The following AKR1C3 variants were observed in gnomAD, a reference collection of about 807,000 sequenced individuals.
AKR1C3 encodes the protein aldo-keto reductase family 1 member C3, also known as 3-alpha hydroxysteroid dehydrogenase, type II.
A neutral mutation model predicts 43.6 loss-of-function variants in AKR1C3; 48 were observed. The observed-to-expected ratio is 1.10, with a 90% confidence interval of 0.87 to 1.40. The LOEUF is 1.40. Ranked by LOEUF, AKR1C3 falls within the 40% of genes most tolerant of loss-of-function variation. The pLI, the probability that AKR1C3 is intolerant of heterozygous loss-of-function variation, is 0.00. For missense variants in AKR1C3, 482 were observed against 391.2 expected, an observed-to-expected ratio of 1.23 and a Z score of -1.96; for synonymous variants, 162 against 139.6, an observed-to-expected ratio of 1.16 and a Z score of -1.13.
Position 5,107,239 on chromosome 10 carries a change from G to A in AKR1C3, c.930-222G>A, listed in dbSNP as rs184137037. Among the ~76,000 whole-genome samples, 1,126 of 152,258 alleles carry A rather than the reference G, an allele frequency of 7.4e-3. 16 individuals carry two copies. The highest frequency in any genetic ancestry group is 0.026 in the African/African-American group (1,082 of 41,534). ...AATATACTTGAATATTTGACTTTGT[G>A]TGTTTTACGTGTTAACTTCCAGATA... On this transcript the variant is annotated intron_variant, in intron 8 of 8. Coordinates refer to ENST00000380554, the MANE Select transcript of AKR1C3 (RefSeq NM_003739.6).
chr10:5,050,495 C>G (rs1838131993), intron 1 of AKR1C3, among the ~76,000 whole-genome samples: 1 of 152,158 alleles, frequency 6.6e-6, no homozygotes, highest in Admixed American at 6.5e-5. Context: ...TATGTAACTG[C>G]TGGCAGTGGA....
At chr10:5,059,900 C>G (rs782549457) in intron 1 of AKR1C3, among the ~76,000 whole-genome samples, 3 of 152,002 alleles carry the variant, frequency 2.0e-5, no homozygotes, top group Non-Finnish European at 4.4e-5. Context: ...AGCCGCGGAC[C>G]CTCGCAGTGA....
At chr10:5,068,272 T>TA (rs1410413108) in intron 1 of AKR1C3, among the ~76,000 whole-genome samples, 1 of 152,138 alleles carries the variant, frequency 6.6e-6, no homozygotes. Context: ...AAATATAACC[T>TA]AAAGAAGATT....
chr10:5,091,227 G>C (rs1238692141), upstream of AKR1C3, among the ~76,000 whole-genome samples: 3 of 152,028 alleles, frequency 2.0e-5, no homozygotes, highest in Non-Finnish European at 4.4e-5. Context: ...TGATGATGCA[G>C]GAAAGAGAGA....
At chr10:5,050,922 A>G (rs1343050754) in intron 1 of AKR1C3, among the ~76,000 whole-genome samples, 1 of 152,230 alleles carries the variant, frequency 6.6e-6, no homozygotes, top group African/African-American at 2.4e-5. Flanking sequence ...ATTCACACTC[A>G]AAATTATTTA....
chr10:5,078,099 G>A, intron 1 of AKR1C3: 2 of 583,630 alleles, frequency 3.4e-6, no homozygotes, highest in Non-Finnish European at 3.0e-6. Context: ...GATGTCTTTT[G>A]TTTCCAAAGT....
intron 1 of AKR1C3, among the ~76,000 whole-genome samples, chr10:5,063,849 C>A (rs1285479156): frequency 4.1e-5 from 6 of 146,166 alleles, no homozygotes; most frequent in Non-Finnish European, 9.0e-5. Context: ...TCATGTAATG[C>A]CTGGGCTATC....
intron 1 of AKR1C3, among the ~76,000 whole-genome samples, chr10:5,061,562 C>T (rs566125867): frequency 3.3e-5 from 5 of 152,252 alleles, no homozygotes; most frequent in South Asian, 2.1e-4. Context: ...CTTGGAAAAA[C>T]GCATTGGCAA....
At chr10:5,062,343 C>T (rs1838398378) in intron 1 of AKR1C3, among the ~76,000 whole-genome samples, 1 of 152,160 alleles carries the variant, frequency 6.6e-6, no homozygotes, top group African/African-American at 2.4e-5. Flanking sequence ...TTGGAGTGCC[C>T]TAGGCCAATT....
At chr10:5,098,579 G>C (rs1325860062) in intron 3 of AKR1C3, among the ~76,000 whole-genome samples, 1 of 152,192 alleles carries the variant, frequency 6.6e-6, no homozygotes, top group East Asian at 1.9e-4. Context: ...CCTAGAAAAT[G>C]GTCCTTTTCC....
intron 1 of AKR1C3, among the ~76,000 whole-genome samples, chr10:5,065,337 T>C (rs1838478602): frequency 6.6e-6 from 1 of 152,180 alleles, no homozygotes; most frequent in Non-Finnish European, 1.5e-5. Context: ...CACAATAGCA[T>C]AGTCATGGAA....
chr10:5,073,599 G>A (rs570207374), intron 1 of AKR1C3, among the ~76,000 whole-genome samples: 1 of 152,236 alleles, frequency 6.6e-6, no homozygotes, highest in East Asian at 1.9e-4. Flanking sequence ...CCAGATCACA[G>A]AACCATATGA....
chr10:5,060,361 T>C (rs782230280), intron 1 of AKR1C3, among the ~76,000 whole-genome samples: 8 of 152,194 alleles, frequency 5.3e-5, no homozygotes, highest in Non-Finnish European at 1.2e-4. Flanking sequence ...TACAGAGAGC[T>C]GATTGGTCCG....
At chr10:5,075,371 C>T (rs72772197) in intron 1 of AKR1C3, among the ~76,000 whole-genome samples, 2,816 of 152,242 alleles carry the variant, frequency 0.018, 32 homozygotes, top group East Asian at 0.056. Context: ...CCAGCATGAT[C>T]GCTCTCCCAC....
At chr10:5,095,811 A>G (rs1026039733) in intron 1 of AKR1C3, among the ~76,000 whole-genome samples, 3 of 152,086 alleles carry the variant, frequency 2.0e-5, no homozygotes, top group African/African-American at 4.8e-5. Flanking sequence ...CTTTACCCCT[A>G]GTGTTCAGTT....
At chr10:5,095,734 C>T (rs1468154850) in intron 1 of AKR1C3, among the ~76,000 whole-genome samples, 1 of 29,052 alleles carries the variant, frequency 3.4e-5, no homozygotes, top group Non-Finnish European at 5.9e-5. Context: ...AGAACTGTAC[C>T]TTAGTAAATT....
upstream of AKR1C3, among the ~76,000 whole-genome samples, chr10:5,090,783 A>G (rs1239283119): frequency 2.0e-5 from 3 of 152,272 alleles, no homozygotes; most frequent in East Asian, 3.9e-4. Context: ...CCTACATGGT[A>G]ATGGAATGGC....
rs924724284 is a variant in AKR1C3, at chr10:5,098,653, C to T, written c.370-149C>T. 1.5e-4 allele frequency: 100 copies of T among 653,524 alleles called. 2 individuals are homozygous for T. Among genetic ancestry groups the T allele is most frequent in the Non-Finnish European group, 4.9e-5 (18 of 369,714 alleles). The allele number at this position is 653,524 out of a possible 1,614,324, so 40.5% of individuals were successfully genotyped here. On this transcript the variant is annotated intron_variant, in intron 3 of 8. Transcript: ENST00000380554. ...CTCCTGAATACATTCCTTATACCTT[C>T]ATATGTAAAACACTTAGCACATATC...
intron 2 of AKR1C3, 80 bp from the exon 3 acceptor site, chr10:5,097,354 T>C (rs1168246949): frequency 6.6e-7 from 1 of 1,524,782 alleles, no homozygotes; most frequent in Non-Finnish European, 8.9e-7. Context: ...TAGGAAAATA[T>C]CTAAATACTA....
Sources: gnomAD v4.1 joint callset for allele counts (sites outside exome capture counted in the v4.1 genomes callset) on GRCh38, gnomAD v4.1.1 for gene constraint, MANE v1.5 for transcripts, NCBI Gene and HGNC (gene_info 2026-07-23, HGNC 2026-07-21) for gene names.